Variants in SLC7A8 observed in about 807,000 individuals in gnomAD.
SLC7A8 encodes the protein solute carrier family 7 member 8, also known as large neutral amino acids transporter small subunit 2.
In SLC7A8, 30 loss-of-function variants were observed where a neutral mutation model predicts 51.2. That is an observed-to-expected ratio of 0.59 (90% CI 0.44 to 0.80). SLC7A8 has a LOEUF of 0.80. Among genes scored for constraint, SLC7A8 ranks in the 30% least tolerant of loss-of-function variants. The probability of loss-of-function intolerance (pLI) is 0.00; values close to 1 mark genes in which losing one functional copy is unlikely to be tolerated. For missense variants in SLC7A8, 612 were observed against 674.4 expected (o/e 0.91, Z 1.03); for synonymous variants, 257 against 275.8 (o/e 0.93, Z 0.67).
Position 23,128,407 on chromosome 14 carries a change from A to G in SLC7A8, c.1264-211T>C, listed in dbSNP as rs1446041371. On this transcript the variant is annotated intron_variant, in intron 9 of 10. Coordinates refer to ENST00000316902, the MANE Select transcript of SLC7A8 (RefSeq NM_012244.4). The surrounding 1 kb of genome is among the most constrained non-coding windows in gnomAD (Gnocchi z 4.3). ...GATGAACATGGTCGGTCAGACAGGA[A>G]GAGGATGGGGAGGAGTTAGGGAGGA... The G allele has an allele frequency of 2.7e-5, 40 of 1,506,824 alleles. No homozygotes were observed. Among genetic ancestry groups the G allele is most frequent in the Non-Finnish European group, 3.6e-5 (40 of 1,125,618 alleles). 93.3% of individuals were successfully genotyped at this position (1,506,824 alleles called of 1,614,324 possible). A position where few individuals can be genotyped will look rare whatever the true frequency, so the allele number is the denominator to read the frequency against.
chr14:23,130,475 G>T (rs532029333), intron 8 of SLC7A8, among the ~76,000 whole-genome samples: 1 of 152,206 alleles, frequency 6.6e-6, no homozygotes, highest in East Asian at 1.9e-4. Flanking sequence ...GTCAACAAAA[G>T]GTTCTGTTCT....
intron 1 of SLC7A8, among the ~76,000 whole-genome samples, chr14:23,174,157 A>G (rs2048988364): frequency 6.6e-6 from 1 of 152,214 alleles, no homozygotes; most frequent in African/African-American, 2.4e-5. Context: ...TGCTTTCAAT[A>G]TCAGGGTCCA....
Position 23,165,339 on chromosome 14 carries a change from G to C in SLC7A8, c.454C>G (p.Pro152Ala). The C allele has an allele frequency of 6.2e-7, 1 of 1,606,194 alleles. No homozygotes were observed. Among genetic ancestry groups the C allele is most frequent in the Non-Finnish European group, 8.5e-7 (1 of 1,177,064 alleles). Residue 152 changes from proline to alanine, a missense_variant, in exon 3 of 11, where the codon CCC (proline) becomes GCC (alanine). Transcript: ENST00000316902. The surrounding 1 kb of genome is among the most constrained non-coding windows in gnomAD (Gnocchi z 4.2). ...FSNYVLQPLF[P>A]TCFPPESGLR... ...CCAGACTCTGGGGGGAAGCAGGTGG[G>C]GAAGAGCGGCTGCAGCACGTAGTTG...
intron 7 of SLC7A8, among the ~76,000 whole-genome samples, chr14:23,134,560 A>G (rs2048671318): frequency 6.6e-6 from 1 of 150,922 alleles, no homozygotes; most frequent in South Asian, 2.1e-4. Flanking sequence ...TAAACTTTTT[A>G]TTTTTCCAAT....
At chr14:23,129,580 A>AT in intron 9 of SLC7A8, 70 bp downstream of exon 9, 1 of 1,554,030 alleles carries the variant, frequency 6.4e-7, no homozygotes, top group South Asian at 1.2e-5. Context: ...AACAGAGGTG[A>AT]TTTAAAAATC....
At chr14:23,161,081 G>A (rs1594836202) in intron 3 of SLC7A8, among the ~76,000 whole-genome samples, 1 of 151,908 alleles carries the variant, frequency 6.6e-6, no homozygotes, top group South Asian at 2.1e-4. Context: ...AGTTGCATAA[G>A]TGTGATCCAA....
chr14:23,154,974 AC>A (rs1566367638), intron 3 of SLC7A8, among the ~76,000 whole-genome samples: 1 of 115,296 alleles, frequency 8.7e-6, no homozygotes, highest in South Asian at 2.7e-4. Flanking sequence ...AAAAAAAAAA[AC>A]CCACAAAAAG....
intron 1 of SLC7A8, among the ~76,000 whole-genome samples, chr14:23,176,086 C>T (rs1441099852): frequency 1.3e-5 from 2 of 152,170 alleles, no homozygotes; most frequent in South Asian, 2.1e-4. Flanking sequence ...AATTGAAGTA[C>T]AAACTCAAGA....
intron 5 of SLC7A8, 120 bp from the exon 6 acceptor site, chr14:23,139,667 C>G: frequency 8.0e-7 from 1 of 1,245,080 alleles, no homozygotes; most frequent in African/African-American, 1.5e-5. Flanking sequence ...TTCTGTGAGG[C>G]TTCCTTTCCC....
intron 3 of SLC7A8, among the ~76,000 whole-genome samples, 185 bp from the exon 4 acceptor site, chr14:23,143,389 TA>T (rs2048763291): frequency 6.6e-6 from 1 of 152,234 alleles, no homozygotes; most frequent in African/African-American, 2.4e-5. Context: ...AAATGGGGAT[TA>T]TATGTCCCAA....
chr14:23,181,865 T>C (rs1372594513), intron 1 of SLC7A8, among the ~76,000 whole-genome samples: 2 of 152,244 alleles, frequency 1.3e-5, no homozygotes, highest in Admixed American at 6.5e-5. Flanking sequence ...GGAAAGAGGA[T>C]GTGCTGTCTA....
At chr14:23,156,839 G>C (rs929592136) in intron 3 of SLC7A8, among the ~76,000 whole-genome samples, 1 of 152,132 alleles carries the variant, frequency 6.6e-6, no homozygotes. Context: ...CCAGGGTGTG[G>C]GCACACACAC....
At chr14:23,153,807 G>A (rs565267809) in intron 3 of SLC7A8, among the ~76,000 whole-genome samples, 1 of 152,236 alleles carries the variant, frequency 6.6e-6, no homozygotes, top group East Asian at 1.9e-4. Context: ...GACTGGCTTG[G>A]AAAGGCTTGG....
chr14:23,175,391 T>C lies in SLC7A8; in HGVS notation c.151+7373A>G, dbSNP rs558045615. ...ATCTGGCTAATTTTTGTATTTTTAG[T>C]AGAGATGGGGTTTCACCATGTTGGC... On this transcript the variant is annotated intron_variant, in intron 1 of 10. Coordinates refer to ENST00000316902, the MANE Select transcript of SLC7A8 (RefSeq NM_012244.4). Among the ~76,000 whole-genome samples, 84 of 152,264 alleles carry C rather than the reference T, an allele frequency of 5.5e-4. 1 individual carries two copies. In the South Asian group the frequency reaches 0.017, roughly 30 times the overall value.
rs1256152547 is a variant in SLC7A8, at chr14:23,183,214, C to G, written c.-300G>C. 10 of 316,042 alleles carry G rather than the reference C, an allele frequency of 3.2e-5. No homozygotes were observed. Among genetic ancestry groups the G allele is most frequent in the Non-Finnish European group, 5.3e-5 (9 of 171,260 alleles). The allele number at this position is 316,042 out of a possible 1,614,324, so 19.6% of individuals were successfully genotyped here. On this transcript the variant is annotated 5_prime_UTR_variant, in exon 1 of 11. Transcript: ENST00000316902. The stretch of plus-strand genomic sequence containing the variant: ...AATAGAACTGTGCCAGCGACTCCGG[C>G]TGGAATTCTGCTGAAAGGGATGTGT...
At chr14:23,130,025 C>T (rs964742200) in intron 8 of SLC7A8, 7 of 521,734 alleles carry the variant, frequency 1.3e-5, no homozygotes, top group Non-Finnish European at 2.4e-5. Flanking sequence ...TTTAACCACT[C>T]GTATGGCACG....
intron 1 of SLC7A8, among the ~76,000 whole-genome samples, chr14:23,176,217 G>A (rs1421017523): frequency 6.6e-6 from 1 of 152,212 alleles, no homozygotes; most frequent in East Asian, 1.9e-4. Flanking sequence ...GACCACATGG[G>A]TGTGAGATCT....
chr14:23,145,499 C>T (rs569130522), intron 3 of SLC7A8, among the ~76,000 whole-genome samples: 6 of 143,874 alleles, frequency 4.2e-5, no homozygotes, highest in African/African-American at 1.3e-4. Context: ...TGTTCTCCAG[C>T]GTGGGTGACA....
At chr14:23,147,966 T>C (rs1166609599) in intron 3 of SLC7A8, among the ~76,000 whole-genome samples, 1 of 152,180 alleles carries the variant, frequency 6.6e-6, no homozygotes. Flanking sequence ...GACCTGCAAC[T>C]GGCTTGCTCA....
Sources: gnomAD v4.1 joint callset for allele counts (sites outside exome capture counted in the v4.1 genomes callset) on GRCh38, gnomAD v4.1.1 for gene constraint, Gnocchi (gnomAD v3.1) non-coding constraint, MANE v1.5 for transcripts, NCBI Gene and HGNC (gene_info 2026-07-23, HGNC 2026-07-21) for gene names.